Variants in NXN observed in about 807,000 individuals in gnomAD.
The protein encoded by NXN is nucleoredoxin 1.
In NXN, 16 loss-of-function variants were observed where a neutral mutation model predicts 48.6. The ratio of observed to expected loss-of-function variants is 0.33; its 90% CI spans 0.22 to 0.50. NXN has a LOEUF of 0.50. Ranked by LOEUF, NXN falls within the 20% of genes least tolerant of loss-of-function variation. The pLI, the probability that NXN is intolerant of heterozygous loss-of-function variation, is 0.98. For missense variants in NXN, 492 were observed against 605.5 expected (o/e 0.81, Z 1.97); for synonymous variants, 281 against 269.6 (o/e 1.04, Z -0.41).
At chr17:841,636 CCA>C (rs1914304390) in intron 1 of NXN, among the ~76,000 whole-genome samples, 3 of 132,460 alleles carry the variant, frequency 2.3e-5, no homozygotes, top group African/African-American at 8.4e-5. Context: ...GCAAGCAGGT[CCA>C]CCCTGACCAC....
intron 7 of NXN, 147 bp from the exon 8 acceptor site, chr17:801,278 A>AG: frequency 1.9e-6 from 1 of 524,040 alleles, no homozygotes; most frequent in African/African-American, 2.0e-5. Context: ...CCTGGGAAGG[A>AG]GGGAACCCTG....
At chr17:963,260 A>T (rs574519143) in intron 1 of NXN, among the ~76,000 whole-genome samples, 2 of 148,130 alleles carry the variant, frequency 1.4e-5, no homozygotes, top group African/African-American at 5.0e-5. Flanking sequence ...TTTATTTGAA[A>T]TTTTTTTTTT....
At chr17:857,555 C>T (rs1317906761) in intron 1 of NXN, among the ~76,000 whole-genome samples, 1 of 152,198 alleles carries the variant, frequency 6.6e-6, no homozygotes, top group East Asian at 1.9e-4. Context: ...ACACCACACC[C>T]AGCCTAAACA....
At chr17:813,735 A>G (rs1381412976) in intron 5 of NXN, among the ~76,000 whole-genome samples, 11 of 152,016 alleles carry the variant, frequency 7.2e-5, no homozygotes, top group Admixed American at 2.0e-4. Flanking sequence ...TTGGGAGGCC[A>G]AGGCGGGCAC....
At chr17:809,926 CGT>C (rs1276796031) in intron 5 of NXN, among the ~76,000 whole-genome samples, 1 of 119,260 alleles carries the variant, frequency 8.4e-6, no homozygotes, top group Non-Finnish European at 1.8e-5. Context: ...GTTAAGAGTC[CGT>C]GTGAGTGGCG....
At chr17:858,233 G>A (rs2068005974) in intron 1 of NXN, among the ~76,000 whole-genome samples, 1 of 151,994 alleles carries the variant, frequency 6.6e-6, no homozygotes, top group African/African-American at 2.4e-5. Flanking sequence ...TGGCCAGGCT[G>A]GTCTTGAACT....
chr17:823,852 T>A (rs766040971), intron 2 of NXN, 87 bp from the exon 3 acceptor site: 117 of 1,427,448 alleles, frequency 8.2e-5, no homozygotes, highest in Non-Finnish European at 1.0e-4. Flanking sequence ...TTAAGACTCT[T>A]CTTGATGACC....
chr17:937,415 A>G (rs1350700286), intron 1 of NXN, among the ~76,000 whole-genome samples: 2 of 152,126 alleles, frequency 1.3e-5, no homozygotes, highest in African/African-American at 4.8e-5. Context: ...CACAAGGAAC[A>G]CACCTGGAGA....
rs544402041 is a variant in NXN at position 958,643 on chromosome 17, C to T, written c.360+20676G>A. Among the ~76,000 whole-genome samples the T allele has an allele frequency of 3.9e-4, 59 of 152,216 alleles. No individual in the cohort carries two copies. Among genetic ancestry groups the T allele is most frequent in the Non-Finnish European group, 6.6e-4 (45 of 68,038 alleles). ...AAAATTAGCCAGGCGTGGTGGCGTG[C>T]GCCTGTAGTCCCAGCTACTCAGGAG... On this transcript the variant is annotated intron_variant, in intron 1 of 7. Transcript: ENST00000336868. This position sits in a 1 kb window ranked among gnomAD's most constrained non-coding sequence, Gnocchi z 6.9.
chr17:874,185 A>C (rs1018042344), intron 1 of NXN, among the ~76,000 whole-genome samples: 2 of 152,154 alleles, frequency 1.3e-5, no homozygotes, highest in Admixed American at 6.5e-5. Flanking sequence ...CCTTCCTGCC[A>C]CCATGTGAAG....
chr17:813,614 C>G (rs546018802), intron 5 of NXN, among the ~76,000 whole-genome samples: 3 of 152,356 alleles, frequency 2.0e-5, no homozygotes, highest in Non-Finnish European at 2.9e-5. Context: ...ACTGACGTTT[C>G]TGTGTGTCAA....
chr17:862,357 T>A (rs577876145), intron 1 of NXN, among the ~76,000 whole-genome samples: 1 of 152,140 alleles, frequency 6.6e-6, no homozygotes, highest in Admixed American at 6.5e-5. Context: ...CTCAAAAACA[T>A]AAACATAAAA....
chr17:959,891 C>T (rs1013493601), intron 1 of NXN, among the ~76,000 whole-genome samples: 1 of 151,146 alleles, frequency 6.6e-6, no homozygotes, highest in Non-Finnish European at 1.5e-5. Flanking sequence ...TCAGGAGTTC[C>T]AGACCAGCCG....
rs186275092 is a variant in NXN at position 932,953 on chromosome 17, C to T, written c.360+46366G>A. ...GTGAGCCACCGCGCCCAGCCCAGCC[C>T]GTCCTCTTGAACCTGCTCAGTTTCA... On this transcript the variant is annotated intron_variant, in intron 1 of 7. Coordinates refer to ENST00000336868, the MANE Select transcript of NXN (RefSeq NM_022463.5). The surrounding 1 kb of genome is among the most constrained non-coding windows in gnomAD (Gnocchi z 4.1). 2.6e-5 allele frequency among the ~76,000 whole-genome samples: 4 copies of T among 152,262 alleles called. No individual in the cohort carries two copies. The highest frequency in any genetic ancestry group is 1.3e-4 in the Admixed American group (2 of 15,288).
intron 2 of NXN, among the ~76,000 whole-genome samples, chr17:824,036 ATTTTTTTT>A (rs11345667): frequency 8.6e-6 from 1 of 116,792 alleles, no homozygotes; most frequent in Admixed American, 9.3e-5. Flanking sequence ...TTCCAGGGAC[ATTTTTTTT>A]TTTTTTTTTT....
intron 1 of NXN, among the ~76,000 whole-genome samples, chr17:921,986 A>C (rs1416401790): frequency 6.6e-6 from 1 of 152,200 alleles, no homozygotes; most frequent in African/African-American, 2.4e-5. Context: ...TGTATTTCTT[A>C]TATAGACTGA....
intron 1 of NXN, among the ~76,000 whole-genome samples, chr17:962,082 C>T (rs1216353282): frequency 1.3e-5 from 2 of 152,042 alleles, no homozygotes; most frequent in Admixed American, 6.6e-5. Context: ...TGCAGTGAGC[C>T]GAGATCGCGC....
intron 1 of NXN, among the ~76,000 whole-genome samples, chr17:840,354 T>C (rs1224354148): frequency 6.6e-6 from 1 of 151,848 alleles, no homozygotes; most frequent in Non-Finnish European, 1.5e-5. Context: ...TTTTTTTTTT[T>C]CTTGAGACGG....
chr17:851,919 G>A (rs2144749496), intron 1 of NXN, among the ~76,000 whole-genome samples: 1 of 152,320 alleles, frequency 6.6e-6, no homozygotes, highest in Non-Finnish European at 1.5e-5. Flanking sequence ...GTTTTCCAGT[G>A]GTTTAAAGAT....
Sources: gnomAD v4.1 joint callset for allele counts (sites outside exome capture counted in the v4.1 genomes callset) on GRCh38, gnomAD v4.1.1 for gene constraint, Gnocchi (gnomAD v3.1) non-coding constraint, MANE v1.5 for transcripts, NCBI Gene and HGNC (gene_info 2026-07-23, HGNC 2026-07-21) for gene names.